Variants in RPS6KC1 observed in about 807,000 individuals in gnomAD.
The protein encoded by RPS6KC1 is ribosomal protein S6 kinase C1, also known as inactive ribosomal protein S6 kinase delta-1.
In RPS6KC1, 54 loss-of-function variants were observed where a neutral mutation model predicts 103.8. That is an observed-to-expected ratio of 0.52 (90% CI 0.42 to 0.65). RPS6KC1 has a LOEUF of 0.65. Ranked by LOEUF, RPS6KC1 falls within the 30% of genes least tolerant of loss-of-function variation. RPS6KC1 has a pLI of 0.00. For missense variants in RPS6KC1, 1,151 were observed against 1,253.8 expected (o/e 0.92, Z 1.24); for synonymous variants, 439 against 438.7 (o/e 1.00, Z -0.01).
the RPS6KC1 span, among the ~76,000 whole-genome samples, chr1:213,540,532 A>G: frequency 2.0e-5 from 3 of 152,112 alleles, no homozygotes; most frequent in Admixed American, 6.5e-5. Context: ...GTAATTTTTG[A>G]TAGAGATGGG....
chr1:213,635,164 T>G, the RPS6KC1 span, among the ~76,000 whole-genome samples: 1 of 152,064 alleles, frequency 6.6e-6, no homozygotes, highest in South Asian at 2.1e-4. Context: ...CAGGACCAGA[T>G]GGATTCACAG....
the RPS6KC1 span, among the ~76,000 whole-genome samples, chr1:213,315,271 AC>A: frequency 2.6e-5 from 4 of 152,196 alleles, no homozygotes; most frequent in Non-Finnish European, 5.9e-5. Context: ...TTCTTAGCAA[AC>A]CTGTGAGGTT....
At chr1:213,561,578 G>A in the RPS6KC1 span, among the ~76,000 whole-genome samples, 2 of 152,132 alleles carry the variant, frequency 1.3e-5, no homozygotes, top group African/African-American at 4.8e-5. Context: ...CAGACAGCTG[G>A]GCTCCCTTAC....
At chr1:213,163,192 T>TAAC (rs1308568311) in intron 6 of RPS6KC1, among the ~76,000 whole-genome samples, 1 of 152,054 alleles carries the variant, frequency 6.6e-6, no homozygotes, top group Admixed American at 6.5e-5. Flanking sequence ...CTAAAGTTGT[T>TAAC]AACAACAACA....
At chr1:213,518,863 G>C in the RPS6KC1 span, among the ~76,000 whole-genome samples, 1 of 152,196 alleles carries the variant, frequency 6.6e-6, no homozygotes, top group Admixed American at 6.5e-5. Context: ...TGGGGCTGTA[G>C]AATGGGGATG....
the RPS6KC1 span, among the ~76,000 whole-genome samples, chr1:213,288,691 T>G: frequency 0.029 from 4,452 of 152,334 alleles, 95 homozygotes; most frequent in Middle Eastern, 0.092. Context: ...GTGAGTTTCT[T>G]TCCTTGGGTG....
At chr1:213,825,601 A>T in the RPS6KC1 span, among the ~76,000 whole-genome samples, 4 of 152,036 alleles carry the variant, frequency 2.6e-5, no homozygotes, top group Non-Finnish European at 2.9e-5. Context: ...TATGCCCCAG[A>T]CTGCCCCTCC....
the RPS6KC1 span, among the ~76,000 whole-genome samples, chr1:213,604,857 G>C: frequency 6.6e-6 from 1 of 152,162 alleles, no homozygotes; most frequent in East Asian, 1.9e-4. Flanking sequence ...GGAAGGGTGG[G>C]CAAGTGTGTG....
At chr1:213,165,359 T>A (rs1210216258) in intron 6 of RPS6KC1, among the ~76,000 whole-genome samples, 1 of 152,086 alleles carries the variant, frequency 6.6e-6, no homozygotes, top group Non-Finnish European at 1.5e-5. Flanking sequence ...GCCTCATGAG[T>A]AGCTGGTATT....
chr1:213,854,288 C>G, the RPS6KC1 span, among the ~76,000 whole-genome samples: 1 of 152,210 alleles, frequency 6.6e-6, no homozygotes, highest in South Asian at 2.1e-4. Flanking sequence ...CTACTTTTAA[C>G]AAATCATTGA....
Position 213,070,692 on chromosome 1 carries a change from T to G in RPS6KC1, c.106-314T>G, listed in dbSNP as rs570138458. On this transcript the variant is annotated intron_variant, in intron 1 of 14. Transcript: ENST00000366960. Reference sequence around the variant, plus strand: ...CTCTCTTTGGCCAAAACTTGGTGATTGGCGCCAGAGTAGGTTACAGTCTTT... The same window carrying G: ...CTCTCTTTGGCCAAAACTTGGTGATGGGCGCCAGAGTAGGTTACAGTCTTT... 7.0e-4 allele frequency among the ~76,000 whole-genome samples: 106 copies of G among 152,354 alleles called. 1 individual carries two copies. Among genetic ancestry groups the G allele is most frequent in the Admixed American group, 2.7e-3 (41 of 15,304 alleles).
At chr1:213,439,350 T>C in the RPS6KC1 span, among the ~76,000 whole-genome samples, 7 of 132,528 alleles carry the variant, frequency 5.3e-5, no homozygotes, top group African/African-American at 1.9e-4. Flanking sequence ...GGCAGACACA[T>C]TGGTTTGATG....
At chr1:213,135,312 C>A (rs1392131001) in intron 6 of RPS6KC1, among the ~76,000 whole-genome samples, 1 of 151,742 alleles carries the variant, frequency 6.6e-6, no homozygotes, top group Non-Finnish European at 1.5e-5. Flanking sequence ...CCCAGTTGTG[C>A]CTTTTGGTAT....
chr1:213,858,316 C>T, the RPS6KC1 span, among the ~76,000 whole-genome samples: 2 of 152,156 alleles, frequency 1.3e-5, no homozygotes, highest in East Asian at 1.9e-4. Context: ...CAGGTGAGCA[C>T]TCCAGTGACT....
the RPS6KC1 span, among the ~76,000 whole-genome samples, chr1:213,643,795 G>T: frequency 1.3e-5 from 2 of 152,002 alleles, no homozygotes; most frequent in East Asian, 3.9e-4. Flanking sequence ...CATTAATCAA[G>T]TTCAGTAAGG....
the RPS6KC1 span, among the ~76,000 whole-genome samples, chr1:213,287,750 T>C: frequency 4.1e-4 from 62 of 152,272 alleles, no homozygotes; most frequent in Non-Finnish European, 7.4e-4. Context: ...AGATGTTATG[T>C]AGTATTAAAA....
intron 6 of RPS6KC1, among the ~76,000 whole-genome samples, chr1:213,130,970 T>G (rs2085537152): frequency 6.6e-6 from 1 of 152,170 alleles, no homozygotes. Flanking sequence ...AAAATTTTGT[T>G]GCTGTTACCT....
the RPS6KC1 span, among the ~76,000 whole-genome samples, chr1:213,355,174 G>A: frequency 1.3e-5 from 2 of 151,908 alleles, no homozygotes; most frequent in East Asian, 1.9e-4. Flanking sequence ...CTGAGATCGC[G>A]CCACTGCACT....
At chr1:213,803,047 C>T in the RPS6KC1 span, among the ~76,000 whole-genome samples, 2 of 152,072 alleles carry the variant, frequency 1.3e-5, no homozygotes, top group African/African-American at 4.8e-5. Flanking sequence ...TCACAATAAA[C>T]TTATGAGGCA....
Sources: allele counts gnomAD v4.1 joint callset (sites outside exome capture counted in the v4.1 genomes callset), GRCh38; gene constraint gnomAD v4.1.1; transcripts MANE v1.5; gene names NCBI Gene and HGNC (gene_info 2026-07-23, HGNC 2026-07-21).